Variants in CCDC178 observed in about 807,000 individuals in gnomAD.
The protein encoded by CCDC178 is coiled-coil domain-containing protein 178.
In CCDC178, 126 loss-of-function variants were observed where a neutral mutation model predicts 117.4. The ratio of observed to expected loss-of-function variants is 1.07; its 90% confidence interval spans 0.93 to 1.24. The LOEUF (loss-of-function observed/expected upper bound fraction) is 1.24. CCDC178 is among the 50% of genes most tolerant of loss of function. The pLI is 0.00. For synonymous variants in CCDC178, 283 were observed against 313.4 expected (o/e 0.90, Z 1.02); for missense variants, 1,030 against 986.9 (o/e 1.04, Z -0.59).
intron 14 of CCDC178, 28 bp downstream of exon 14, chr18:33,266,888 A>G: frequency 2.0e-6 from 3 of 1,493,078 alleles, no homozygotes; most frequent in African/African-American, 1.4e-5. Flanking sequence ...ATTATGGTAT[A>G]TAAGAAGAAA....
intron 20 of CCDC178, among the ~76,000 whole-genome samples, chr18:33,104,512 C>T (rs1278331278): frequency 1.3e-5 from 2 of 151,644 alleles, no homozygotes; most frequent in Non-Finnish European, 2.9e-5. Flanking sequence ...ACATTCAAAA[C>T]ATTCAATTAT....
At chr18:32,964,121 AC>A (rs1458366012) in intron 22 of CCDC178, among the ~76,000 whole-genome samples, 3 of 151,928 alleles carry the variant, frequency 2.0e-5, no homozygotes, top group Non-Finnish European at 4.4e-5. Flanking sequence ...TAGCTTATAA[AC>A]TCAGCTTAGA....
At chr18:33,316,261 G>C (rs567000327) in intron 11 of CCDC178, among the ~76,000 whole-genome samples, 3 of 152,204 alleles carry the variant, frequency 2.0e-5, no homozygotes. Flanking sequence ...GGCTGCGCGC[G>C]GTGCTTGCGG....
chr18:33,130,323 T>C (rs1468126615), intron 20 of CCDC178, among the ~76,000 whole-genome samples: 2 of 152,070 alleles, frequency 1.3e-5, no homozygotes, highest in Non-Finnish European at 1.5e-5. Context: ...AATGTAGATT[T>C]TCAGATTTTT....
intron 5 of CCDC178, among the ~76,000 whole-genome samples, 161 bp downstream of exon 5, chr18:33,389,379 A>G (rs2063535556): frequency 6.6e-6 from 1 of 151,826 alleles, no homozygotes; most frequent in Non-Finnish European, 1.5e-5. Context: ...TTGATACAAT[A>G]TACTACATTA....
chr18:33,139,196 G>A (rs998108300), intron 20 of CCDC178, among the ~76,000 whole-genome samples: 1 of 152,182 alleles, frequency 6.6e-6, no homozygotes, highest in Non-Finnish European at 1.5e-5. Flanking sequence ...TGTCATGATT[G>A]TGAGGCCATG....
chr18:33,103,283 A>G (rs1446058963), intron 20 of CCDC178, among the ~76,000 whole-genome samples: 1 of 151,722 alleles, frequency 6.6e-6, no homozygotes, highest in African/African-American at 2.4e-5. Context: ...CACTACCATG[A>G]GAACAGTATG....
chr18:33,419,780 T>C (rs930220401), intron 2 of CCDC178, among the ~76,000 whole-genome samples: 9 of 152,026 alleles, frequency 5.9e-5, no homozygotes, highest in Non-Finnish European at 1.3e-4. Flanking sequence ...AGTCAAAAAA[T>C]AACAGATGCT....
rs570733046 is a variant in CCDC178 at position 33,231,686 on chromosome 18, G to A, written c.1594-4831C>T. Among the ~76,000 whole-genome samples, 9 of 152,234 alleles carry A rather than the reference G, an allele frequency of 5.9e-5. No homozygotes were observed. The East Asian group carries it at 9.7e-4, about 16-fold the overall frequency. On this transcript the variant is annotated intron_variant, in intron 15 of 22. Coordinates refer to ENST00000383096, the MANE Select transcript of CCDC178 (RefSeq NM_001105528.4). ...TCCTGGTTCCTTGTTCCAGTGGACC[G>A]TTGTTATTTTCTCCATTCTCCTGCA...
At chr18:32,973,058 T>C (rs879271258) in intron 22 of CCDC178, among the ~76,000 whole-genome samples, 4 of 152,166 alleles carry the variant, frequency 2.6e-5, no homozygotes, top group South Asian at 2.1e-4. Flanking sequence ...TCCACTGTTA[T>C]GTAACAGCCA....
intron 14 of CCDC178, among the ~76,000 whole-genome samples, chr18:33,246,885 C>A (rs1215942343): frequency 6.6e-6 from 1 of 151,940 alleles, no homozygotes; most frequent in East Asian, 1.9e-4. Context: ...ATGTTATCCC[C>A]AATATCATCT....
chr18:33,371,007 G>T (rs147269669), intron 5 of CCDC178, among the ~76,000 whole-genome samples: 45 of 152,030 alleles, frequency 3.0e-4, no homozygotes, highest in Non-Finnish European at 5.6e-4. Context: ...TATGCTCAGC[G>T]CCTCAATGAG....
chr18:33,255,978 GAA>G lies in CCDC178; in HGVS notation c.1410-10552_1410-10551del, dbSNP rs11287799. Among the ~76,000 whole-genome samples the G allele has an allele frequency of 6.8e-4, 94 of 138,976 alleles. 1 individual carries two copies. The highest frequency in any genetic ancestry group is 3.6e-3 in the Middle Eastern group (1 of 274). The allele number at this position is 138,976 out of a possible 152,430, so 91.2% of individuals were successfully genotyped here. A position where few individuals can be genotyped will look rare whatever the true frequency, so the allele number is the denominator to read the frequency against. ...TGGGTAACATGTAGAAAGAAAGAGA[GAA>G]AAAAAAAAAAACGCCTACCACAGGA... On this transcript the variant is annotated intron_variant, in intron 14 of 22. Transcript: ENST00000383096.
intron 21 of CCDC178, among the ~76,000 whole-genome samples, chr18:33,017,978 T>A (rs905052040): frequency 4.6e-5 from 7 of 151,892 alleles, no homozygotes; most frequent in African/African-American, 1.7e-4. Context: ...AAGGAAACCA[T>A]TAAGAAAGTG....
At chr18:33,216,951 C>T (rs2059173246) in intron 18 of CCDC178, among the ~76,000 whole-genome samples, 1 of 151,884 alleles carries the variant, frequency 6.6e-6, no homozygotes, top group Admixed American at 6.6e-5. Flanking sequence ...GCTCTCTATC[C>T]CTAAACTTGA....
At chr18:33,397,270 A>G in intron 3 of CCDC178, 62 bp from the exon 4 acceptor site, 1 of 1,070,808 alleles carries the variant, frequency 9.3e-7, no homozygotes, top group Non-Finnish European at 1.4e-6. Context: ...ATTCTGCCCT[A>G]TATTGCACTA....
intron 12 of CCDC178, among the ~76,000 whole-genome samples, chr18:33,285,787 T>A (rs1179169767): frequency 6.6e-6 from 1 of 152,182 alleles, no homozygotes; most frequent in Non-Finnish European, 1.5e-5. Flanking sequence ...AGTATATTTT[T>A]AAAATCTTTA....
At chr18:33,191,737 A>G (rs2058860673) in intron 20 of CCDC178, among the ~76,000 whole-genome samples, 2 of 152,142 alleles carry the variant, frequency 1.3e-5, no homozygotes, top group South Asian at 4.1e-4. Flanking sequence ...ATAGTAATCA[A>G]ATAAACTCTT....
At chr18:32,997,617 T>C (rs2055541571) in intron 21 of CCDC178, among the ~76,000 whole-genome samples, 2 of 152,124 alleles carry the variant, frequency 1.3e-5, no homozygotes, top group Non-Finnish European at 2.9e-5. Flanking sequence ...TGTGTGTGTG[T>C]GTAAAGAGTG....
Sources: allele counts gnomAD v4.1 joint callset (sites outside exome capture counted in the v4.1 genomes callset), GRCh38; gene constraint gnomAD v4.1.1; transcripts MANE v1.5; gene names NCBI Gene and HGNC (gene_info 2026-07-23, HGNC 2026-07-21).